Variants in TRPC3 observed in about 807,000 individuals in gnomAD.
TRPC3 encodes the protein transient receptor potential cation channel subfamily C member 3.
Under a neutral mutation model 90.9 loss-of-function variants are expected in TRPC3, and 54 were observed. The ratio of observed to expected loss-of-function variants is 0.59; its 90% CI spans 0.48 to 0.75. TRPC3 has a LOEUF of 0.75. TRPC3 is among the 30% of genes least tolerant of loss of function. TRPC3 has a pLI of 0.00. For synonymous variants in TRPC3, 424 were observed against 450.9 expected (o/e 0.94, Z 0.75); for missense variants, 918 against 1,194.5 (o/e 0.77, Z 3.41).
At chr4:121,920,464 C>T (rs1729462900) in intron 3 of TRPC3, among the ~76,000 whole-genome samples, 1 of 151,808 alleles carries the variant, frequency 6.6e-6, no homozygotes, top group South Asian at 2.1e-4. Flanking sequence ...GTGGAGGTTG[C>T]AGTGAGCCAA....
chr4:121,948,261 A>G (rs1334104592), intron 1 of TRPC3, among the ~76,000 whole-genome samples: 3 of 151,748 alleles, frequency 2.0e-5, no homozygotes, highest in African/African-American at 7.3e-5. Flanking sequence ...GGCATCAACC[A>G]TGTTGGTTAT....
intron 11 of TRPC3, among the ~76,000 whole-genome samples, chr4:121,881,395 C>T (rs2149102987): frequency 6.6e-6 from 1 of 152,036 alleles, no homozygotes; most frequent in South Asian, 2.1e-4. Context: ...TCCTCCCTCT[C>T]CACCCCCCAT....
Position 121,874,887 on chromosome 4 carries a change from A to G in TRPC3, c.*4849T>C, listed in dbSNP as rs567322371. On this transcript the variant is annotated 3_prime_UTR_variant, in exon 12 of 12. Transcript: ENST00000379645. ...GTGTTACATGCCTGTAGTCTCAGCT[A>G]TTTGAAGGCTGAGGCTCAAGATTGC... 5.3e-5 allele frequency among the ~76,000 whole-genome samples: 8 copies of G among 152,276 alleles called. No individual in the cohort carries two copies. Among genetic ancestry groups the G allele is most frequent in the Admixed American group, 3.3e-4 (5 of 15,290 alleles).
chr4:121,932,784 C>T lies in TRPC3; in HGVS notation c.474G>A (p.Glu158=), dbSNP rs150303545. The T allele has an allele frequency of 1.1e-4, 170 of 1,612,000 alleles. No homozygotes were observed. Among genetic ancestry groups the T allele is most frequent in the Non-Finnish European group, 1.4e-4 (164 of 1,178,576 alleles). Residue 158 remains glutamate, a synonymous_variant, in exon 2 of 12, where the codon GAG becomes GAA. Coordinates refer to ENST00000379645, the MANE Select transcript of TRPC3 (RefSeq NM_001130698.2). The surrounding 1 kb of genome is among the most constrained non-coding windows in gnomAD (Gnocchi z 7.7). ...GCAGCAGCTCGGTCACCTCCAGGTG[C>T]TCGTTGCCCACAGCCAGCTGCAGCG... ...QNALQLAVGN[E]HLEVTELLLK...
At position 121,907,551 on chromosome 4, in the gene TRPC3, G is replaced by A. The variant is rs1340277791; in HGVS notation, c.1809C>T (p.Leu603=). ...QYFTYARDKW[L]PSDPQIISEG... is the part of the protein sequence containing the mutation. ...CAGATATAATCTGAGGGTCAGAAGG[G>A]AGCCATTTATCTCTAGCTAGAAAAA... The change falls in exon 7 of 12, where the codon CTC becomes CTT. Residue 603 remains leucine, a synonymous_variant. Coordinates refer to ENST00000379645, the MANE Select transcript of TRPC3 (RefSeq NM_001130698.2). The A allele has an allele frequency of 3.7e-6, 6 of 1,603,510 alleles. No individual in the cohort carries two copies. In the African/African-American group the frequency reaches 5.4e-5, roughly 14 times the overall value.
At chr4:121,923,100 C>CACAG (rs1553940999) in intron 3 of TRPC3, among the ~76,000 whole-genome samples, 3 of 150,656 alleles carry the variant, frequency 2.0e-5, no homozygotes, top group Non-Finnish European at 4.4e-5. Context: ...GAAAGAGACA[C>CACAG]AGAGAGAGAG....
chr4:121,932,934 G>A lies in TRPC3; in HGVS notation c.324C>T (p.Ser108=). 6.2e-7 allele frequency: 1 copy of A among 1,613,982 alleles called. No homozygotes were observed. The highest frequency in any genetic ancestry group is 8.5e-7 in the Non-Finnish European group (1 of 1,179,990). The change falls in exon 2 of 12, where the codon AGC becomes AGT. Residue 108 remains serine (S), a synonymous_variant. Transcript: ENST00000379645. This position sits in a 1 kb window ranked among gnomAD's most constrained non-coding sequence, Gnocchi z 7.7. ...GGAAGCGCTCCTCCTCGGCGGTGAG[G>A]CTGGTGCCGCGGTCATTGAACATGA... ...PAFMFNDRGT[S]LTAEEERFLD...
In TRPC3 at chr4:121,903,190, CAT is replaced by C. The variant is rs1234494253; in HGVS notation, c.2254-131_2254-130del. ...TAGGTAACTTATACACATTTATCTA[CAT>C]ATATTCTATAGACCTACACAATATT... On this transcript the variant is annotated intron_variant, in intron 8 of 11. Coordinates refer to ENST00000379645, the MANE Select transcript of TRPC3 (RefSeq NM_001130698.2). 8 of 728,316 alleles carry C rather than the reference CAT, an allele frequency of 1.1e-5. No homozygotes were observed. The Admixed American group carries it at 2.4e-4, about 22-fold the overall frequency. The allele number at this position is 728,316 out of a possible 1,614,324, so 45.1% of individuals were successfully genotyped here.
rs1469647495 is a variant in TRPC3 at position 121,951,232 on chromosome 4, G to A, written c.215+234C>T. On this transcript the variant is annotated intron_variant, in intron 1 of 11. Transcript: ENST00000379645. This position sits in a 1 kb window ranked among gnomAD's most constrained non-coding sequence, Gnocchi z 4.4. ...TGTTCCGTGTGCTTGAGCCTGGACAGAGCCCCTGCCACGCACTCGGCAGCC... is the reference window on the plus strand; with the variant it reads ...TGTTCCGTGTGCTTGAGCCTGGACAAAGCCCCTGCCACGCACTCGGCAGCC... Among the ~76,000 whole-genome samples the A allele has an allele frequency of 6.6e-6, 1 of 152,184 alleles. No homozygotes were observed. The highest frequency in any genetic ancestry group is 1.5e-5 in the Non-Finnish European group (1 of 68,022).
At chr4:121,918,697 A>G (rs1424372871) in intron 3 of TRPC3, among the ~76,000 whole-genome samples, 2 of 152,092 alleles carry the variant, frequency 1.3e-5, no homozygotes, top group African/African-American at 4.8e-5. Context: ...TTTTTTTGAG[A>G]TAATTATACA....
At chr4:121,921,219 G>A (rs929133352) in intron 3 of TRPC3, among the ~76,000 whole-genome samples, 2 of 152,156 alleles carry the variant, frequency 1.3e-5, no homozygotes, top group African/African-American at 4.8e-5. Flanking sequence ...GTCTTGGGCA[G>A]AGGGTAGAAA....
intron 6 of TRPC3, 49 bp from the exon 7 acceptor site, chr4:121,907,616 C>A: frequency 6.4e-7 from 1 of 1,555,608 alleles, no homozygotes; most frequent in Non-Finnish European, 8.7e-7. Flanking sequence ...CTATTCATTG[C>A]CAACTACGCA....
Position 121,878,606 on chromosome 4 carries a change from GC to G in TRPC3, c.*1129del, listed in dbSNP as rs1727837199. Among the ~76,000 whole-genome samples the G allele has an allele frequency of 6.6e-6, 1 of 152,182 alleles. No homozygotes were observed. Among genetic ancestry groups the G allele is most frequent in the Admixed American group, 6.5e-5 (1 of 15,288 alleles). On this transcript the variant is annotated 3_prime_UTR_variant, in exon 12 of 12. Coordinates refer to ENST00000379645, the MANE Select transcript of TRPC3 (RefSeq NM_001130698.2). ...TCAAGAGGCATTGCGGATATTACCA[GC>G]ATTCAGCACAATTATGTAATAAGGC...
intron 10 of TRPC3, among the ~76,000 whole-genome samples, chr4:121,891,345 C>G (rs551311906): frequency 1.3e-5 from 2 of 152,084 alleles, no homozygotes; most frequent in Admixed American, 1.3e-4. Flanking sequence ...AAGGAACTAC[C>G]AAAAGACAAA....
intron 3 of TRPC3, among the ~76,000 whole-genome samples, chr4:121,917,574 C>T (rs57402589): frequency 8.9e-4 from 136 of 152,254 alleles, no homozygotes; most frequent in African/African-American, 3.2e-3. Flanking sequence ...TTCTAGGGTA[C>T]ACAGTAAGCT....
At chr4:121,901,625 A>G (rs1477710046) in intron 9 of TRPC3, among the ~76,000 whole-genome samples, 1 of 152,218 alleles carries the variant, frequency 6.6e-6, no homozygotes, top group Non-Finnish European at 1.5e-5. Context: ...AAGGGCACTG[A>G]TATTTGTTGA....
chr4:121,934,677 C>G (rs182050240), intron 1 of TRPC3, among the ~76,000 whole-genome samples: 148 of 152,212 alleles, frequency 9.7e-4, no homozygotes, highest in African/African-American at 3.3e-3. Context: ...TCCCTGGGTG[C>G]CTGGGGTGGA....
chr4:121,903,064 G>A lies in TRPC3; in HGVS notation c.2254-3C>T, dbSNP rs201600659. The A allele has an allele frequency of 1.3e-6, 2 of 1,588,860 alleles. No homozygotes were observed. Among genetic ancestry groups the A allele is most frequent in the Non-Finnish European group, 1.7e-6 (2 of 1,170,234 alleles). On this transcript the variant is annotated splice_region_variant and splice_polypyrimidine_tract_variant and intron_variant, in intron 8 of 11. Transcript: ENST00000379645. ...TTCCATTCTACATCACTGTCATCCT[G>A]TGTCACAAAAATAGAAAAAAAAACT... is the stretch of plus-strand genomic sequence containing the variant.
rs534236255 is a variant in TRPC3, at chr4:121,918,276, T to G, written c.1177-3332A>C. Among the ~76,000 whole-genome samples the G allele has an allele frequency of 5.3e-5, 8 of 152,288 alleles. No individual in the cohort carries two copies. The East Asian group carries it at 1.5e-3, about 29-fold the overall frequency. On this transcript the variant is annotated intron_variant, in intron 3 of 11. Coordinates refer to ENST00000379645, the MANE Select transcript of TRPC3 (RefSeq NM_001130698.2). Reference sequence around the variant, plus strand: ...CCTCCAGAACTATGAGACAAGAAAGTTTTGTTCTTATAAGTCTCTCCATCT... The same window carrying G: ...CCTCCAGAACTATGAGACAAGAAAGGTTTGTTCTTATAAGTCTCTCCATCT...
Sources: allele counts gnomAD v4.1 joint callset (sites outside exome capture counted in the v4.1 genomes callset), GRCh38; gene constraint gnomAD v4.1.1; non-coding constraint Gnocchi (gnomAD v3.1); transcripts MANE v1.5; gene names NCBI Gene and HGNC (gene_info 2026-07-23, HGNC 2026-07-21).